Variants in ACYP2 observed in about 807,000 individuals in gnomAD.
The protein encoded by ACYP2 is acylphosphatase 2, also known as acylphosphatase-2.
Under a neutral mutation model 11.2 loss-of-function variants are expected in ACYP2, and 12 were observed. The observed-to-expected ratio is 1.08, with a 90% CI of 0.69 to 1.74. ACYP2 has a LOEUF of 1.74. Ranked by LOEUF, ACYP2 falls within the 40% of genes most tolerant of loss-of-function variation. The pLI, the probability that ACYP2 is intolerant of heterozygous loss-of-function variation, is 0.00. For missense variants in ACYP2, 134 were observed against 101.9 expected (o/e 1.31, Z -1.35); for synonymous variants, 43 against 32.2 (o/e 1.33, Z -1.13).
At chr2:54,015,315 C>T (rs917868244) in intron 2 of ACYP2, among the ~76,000 whole-genome samples, 1 of 117,598 alleles carries the variant, frequency 8.5e-6, no homozygotes, top group African/African-American at 3.1e-5. Flanking sequence ...AGTTCAAGAC[C>T]AGCCTGATCA....
intron 2 of ACYP2, among the ~76,000 whole-genome samples, chr2:54,006,179 C>A (rs1673053477): frequency 6.6e-6 from 1 of 152,166 alleles, no homozygotes; most frequent in African/African-American, 2.4e-5. Flanking sequence ...CGAAGTCTCA[C>A]TCTTGTCCCC....
chr2:54,294,732 G>A (rs1216649657), intron 6 of ACYP2, among the ~76,000 whole-genome samples: 3 of 151,620 alleles, frequency 2.0e-5, no homozygotes, highest in Non-Finnish European at 4.4e-5. Flanking sequence ...GCAACATAGT[G>A]AGACCCCATC....
chr2:54,277,614 G>T (rs1379474152), intron 6 of ACYP2, among the ~76,000 whole-genome samples: 1 of 152,048 alleles, frequency 6.6e-6, no homozygotes, highest in East Asian at 1.9e-4. Flanking sequence ...GGAGGCGGAG[G>T]TTGCAGTGAG....
chr2:54,072,509 C>CTTTT lies in ACYP2; in HGVS notation c.277+15150_277+15151insTTTT, dbSNP rs780586783. Reference sequence around the variant, plus strand: ...CTTTTTTCTTTCTTTCTCTCTCTCTCTCTTTCTTTCTTCTTTCTTTCTTTC... The same window carrying CTTTT: ...CTTTTTTCTTTCTTTCTCTCTCTCTCTTTTTCTTTCTTTCTTCTTTCTTTCTTTC... On this transcript the variant is annotated intron_variant, in intron 4 of 6. Coordinates refer to ENST00000607452, the MANE Select transcript of ACYP2 (RefSeq NM_001320586.2). Among the ~76,000 whole-genome samples, 26 of 72,964 alleles carry CTTTT rather than the reference C, an allele frequency of 3.6e-4. No homozygotes were observed. The East Asian group carries it at 0.013, about 37-fold the overall frequency. The allele number at this position is 72,964 out of a possible 152,430, so 47.9% of individuals were successfully genotyped here. A position where few individuals can be genotyped will look rare whatever the true frequency, so the allele number is the denominator to read the frequency against.
intron 4 of ACYP2, among the ~76,000 whole-genome samples, chr2:54,069,134 T>C (rs1459086755): frequency 3.3e-5 from 5 of 152,076 alleles, no homozygotes; most frequent in African/African-American, 7.2e-5. Flanking sequence ...TCTCACTTTG[T>C]TGCCCAGTCT....
At chr2:54,235,342 TTTTTGTTCTG>T (rs928770459) in intron 6 of ACYP2, among the ~76,000 whole-genome samples, 4 of 152,084 alleles carry the variant, frequency 2.6e-5, no homozygotes, top group African/African-American at 9.7e-5. Flanking sequence ...TCACAAGTTT[TTTTTGTTCTG>T]TTTTGTTTTG....
intron 6 of ACYP2, among the ~76,000 whole-genome samples, chr2:54,250,018 G>C (rs1687143373): frequency 1.3e-5 from 2 of 150,560 alleles, no homozygotes; most frequent in Admixed American, 1.3e-4. Flanking sequence ...GTTAACATCT[G>C]GTTTATGGCA....
Position 54,120,466 on chromosome 2 carries a change from A to T in ACYP2, c.278-14987A>T, listed in dbSNP as rs1644178608. The stretch of plus-strand genomic sequence containing the variant: ...CAGCTCTCAGGGGAATACTAATGAC[A>T]CTCCTAGAAATGCATTGTGACTATC... On this transcript the variant is annotated intron_variant, in intron 4 of 6. Coordinates refer to ENST00000607452, the MANE Select transcript of ACYP2 (RefSeq NM_001320586.2). Among the ~76,000 whole-genome samples the T allele has an allele frequency of 2.0e-5, 3 of 152,068 alleles. No homozygotes were observed. In the South Asian group the frequency reaches 6.2e-4, roughly 32 times the overall value.
intron 4 of ACYP2, among the ~76,000 whole-genome samples, chr2:54,093,666 C>A (rs747358816): frequency 6.6e-6 from 1 of 152,204 alleles, no homozygotes. Flanking sequence ...CTTGGCCGGG[C>A]GTGGTGGCTC....
intron 2 of ACYP2, chr2:54,029,501 G>C (rs1179795244): frequency 2.6e-5 from 10 of 377,584 alleles, no homozygotes; most frequent in Non-Finnish European, 4.1e-5. Context: ...AATTCATAGG[G>C]AAGTGGTTCC....
intron 6 of ACYP2, among the ~76,000 whole-genome samples, chr2:54,230,557 G>T (rs1686189310): frequency 1.3e-5 from 2 of 151,898 alleles, no homozygotes; most frequent in African/African-American, 4.8e-5. Flanking sequence ...GTAGAGACGG[G>T]GTTTCTCCAT....
chr2:54,118,191 C>T (rs937446216), intron 4 of ACYP2, among the ~76,000 whole-genome samples: 3 of 152,190 alleles, frequency 2.0e-5, no homozygotes, highest in Admixed American at 6.5e-5. Flanking sequence ...ATGCATGGAT[C>T]TGTACTCTTT....
chr2:54,029,741 A>G, intron 2 of ACYP2: 1 of 598,314 alleles, frequency 1.7e-6, no homozygotes, highest in East Asian at 4.0e-5. Context: ...TGTTTACAAC[A>G]ATGCCAACAG....
intron 2 of ACYP2, among the ~76,000 whole-genome samples, chr2:54,021,060 A>T (rs113967895): frequency 6.6e-6 from 1 of 152,162 alleles, no homozygotes; most frequent in African/African-American, 2.4e-5. Flanking sequence ...TTTATTCCTG[A>T]TGCAGGTAGC....
At chr2:54,202,313 T>C (rs1027442374) in intron 6 of ACYP2, among the ~76,000 whole-genome samples, 1 of 150,930 alleles carries the variant, frequency 6.6e-6, no homozygotes, top group East Asian at 2.0e-4. Context: ...TTCACCATGC[T>C]GGCCAGGCTG....
chr2:54,225,846 T>C (rs369875390), intron 6 of ACYP2, among the ~76,000 whole-genome samples: 8 of 152,108 alleles, frequency 5.3e-5, no homozygotes, highest in African/African-American at 9.7e-5. Context: ...TTTCTGAATA[T>C]ACAACAACAG....
intron 4 of ACYP2, among the ~76,000 whole-genome samples, chr2:54,126,062 CAGAG>C (rs773130621): frequency 5.9e-5 from 9 of 152,126 alleles, no homozygotes; most frequent in Admixed American, 1.3e-4. Flanking sequence ...GCCTGGGCGA[CAGAG>C]AGAGACTCCG....
chr2:54,071,181 C>T (rs919783128), intron 4 of ACYP2, among the ~76,000 whole-genome samples: 4 of 152,148 alleles, frequency 2.6e-5, no homozygotes, highest in South Asian at 4.1e-4. Context: ...GATAACATCA[C>T]GCTTAATAGT....
At chr2:54,196,549 A>G (rs1377900510) in intron 6 of ACYP2, among the ~76,000 whole-genome samples, 1 of 152,196 alleles carries the variant, frequency 6.6e-6, no homozygotes, top group African/African-American at 2.4e-5. Context: ...TTAAATAAAT[A>G]TTTATTAAGC....
Sources: gnomAD v4.1 joint callset for allele counts (sites outside exome capture counted in the v4.1 genomes callset) on GRCh38, gnomAD v4.1.1 for gene constraint, MANE v1.5 for transcripts, NCBI Gene and HGNC (gene_info 2026-07-23, HGNC 2026-07-21) for gene names.